Variants in NOTCH1 observed in about 807,000 individuals in gnomAD.
NOTCH1 encodes notch receptor 1.
In NOTCH1, 37 loss-of-function variants were observed where a neutral mutation model predicts 254.8. That is an observed-to-expected ratio of 0.15 (90% CI 0.11 to 0.19). The LOEUF is 0.19. Among genes scored for constraint, NOTCH1 ranks in the 10% least tolerant of loss-of-function variants. NOTCH1 has a pLI of 1.00. For missense variants in NOTCH1, 2,972 were observed against 3,708.6 expected (o/e 0.80, Z 5.16); for synonymous variants, 1,731 against 1,618.1 (o/e 1.07, Z -1.68).
Position 136,523,075 on chromosome 9 carries a change from G to C in NOTCH1, c.517C>G (p.Pro173Ala). ...TCGTTGACATCCTGCCGGCAGGTGG[G>C]GCCATGGAAGCTGGGTGGGCAGTGG... ...ICHCPPSFHGPTCRQDVNECG... is the reference protein window; with the variant it reads ...ICHCPPSFHGATCRQDVNECG... Residue 173 changes from proline (P) to alanine (A), a missense_variant, in exon 4 of 34, where the codon CCC (proline) becomes GCC (alanine). Physicochemically the swap from Pro to Ala is conservative, Grantham distance 27. Around this residue, in one of 8 missense-constraint regions of NOTCH1, gnomAD observed 374 missense variants for 496.3 expected, o/e 0.75. Transcript: ENST00000651671. The C allele has an allele frequency of 6.3e-7, 1 of 1,589,132 alleles. No individual in the cohort carries two copies.
intron 2 of NOTCH1, among the ~76,000 whole-genome samples, chr9:136,541,208 C>A (rs1843727834): frequency 6.6e-6 from 1 of 152,166 alleles, no homozygotes; most frequent in Non-Finnish European, 1.5e-5. Flanking sequence ...TGGCCACTGG[C>A]TGACCAGGCC....
chr9:136,526,463 C>T (rs1008194028), intron 2 of NOTCH1, among the ~76,000 whole-genome samples: 2 of 152,210 alleles, frequency 1.3e-5, no homozygotes, highest in Non-Finnish European at 2.9e-5. Context: ...CCCTGCCTCC[C>T]GGCCCCTCGA....
rs1174974632 is a variant in NOTCH1 at position 136,506,564 on chromosome 9, G to C, written c.3977C>G (p.Ser1326Cys). 1.2e-6 allele frequency: 2 copies of C among 1,610,322 alleles called. No homozygotes were observed. Among genetic ancestry groups the C allele is most frequent in the Non-Finnish European group, 8.5e-7 (1 of 1,179,396 alleles). ...CKNGGTCAVA[S>C]NTARGFICKC... ...GCAGATGAACCCGCGGGCGGTGTTGGAGGCCACGGCGCAGGTGCCCCCATT... is the reference window on the plus strand; with the variant it reads ...GCAGATGAACCCGCGGGCGGTGTTGCAGGCCACGGCGCAGGTGCCCCCATT... The change falls in exon 24 of 34, where the codon TCC becomes TGC. Residue 1326 changes from serine to cysteine, a missense_variant. Around this residue, in one of 8 missense-constraint regions of NOTCH1, gnomAD observed 1,343 missense variants for 1,557.0 expected, o/e 0.86. Coordinates refer to ENST00000651671, the MANE Select transcript of NOTCH1 (RefSeq NM_017617.5). This position sits in a 1 kb window ranked among gnomAD's most constrained non-coding sequence, Gnocchi z 4.5.
Position 136,503,324 on chromosome 9 carries a change from G to C in NOTCH1, c.5025C>G (p.Ile1675Met), listed in dbSNP as rs1352875267. 6.2e-7 allele frequency: 1 copy of C among 1,612,786 alleles called. No homozygotes were observed. The highest frequency in any genetic ancestry group is 1.1e-5 in the South Asian group (1 of 91,082). Residue 1675 changes from isoleucine (I) to methionine (M), a missense_variant, in exon 27 of 34, where the codon ATC becomes ATG. Physicochemically the swap from Ile to Met is conservative, Grantham distance 10. Coordinates refer to ENST00000651671, the MANE Select transcript of NOTCH1 (RefSeq NM_017617.5). The stretch of plus-strand genomic sequence containing the variant: ...GCCGGTTGTCAATCTCCAGGTAGAC[G>C]ATGGAGCTGGGCGGACAATCAGAGA... ...ELDPMDVRGS[I>M]VYLEIDNRQC... is the part of the protein sequence containing the mutation.
chr9:136,507,852 C>T (rs1400427020), intron 21 of NOTCH1, 103 bp downstream of exon 21: 2 of 1,189,072 alleles, frequency 1.7e-6, no homozygotes, highest in Non-Finnish European at 2.5e-6. Flanking sequence ...AGTGCATGGG[C>T]CTATCAGGTT....
Position 136,506,512 on chromosome 9 carries a change from C to A in NOTCH1, c.4014+15G>T, listed in dbSNP as rs1159544745. 1.9e-6 allele frequency: 3 copies of A among 1,571,880 alleles called. No homozygotes were observed. The highest frequency in any genetic ancestry group is 2.3e-5 in the South Asian group (2 of 86,068). ...CCCCTGGCGGGCCCCTGCCTCCCTGCACCCCTGCACCTACCGCAGGGCACT... is the reference window on the plus strand; with the variant it reads ...CCCCTGGCGGGCCCCTGCCTCCCTGAACCCCTGCACCTACCGCAGGGCACT... On this transcript the variant is annotated intron_variant, in intron 24 of 33. Coordinates refer to ENST00000651671, the MANE Select transcript of NOTCH1 (RefSeq NM_017617.5). The surrounding 1 kb of genome is among the most constrained non-coding windows in gnomAD (Gnocchi z 4.5).
chr9:136,496,115 T>C lies in NOTCH1; in HGVS notation c.7624A>G (p.Ser2542Gly), dbSNP rs1383219266. The change falls in exon 34 of 34, where the codon AGC becomes GGC. Residue 2542 changes from serine (S) to glycine (G), a missense_variant. Physicochemically the swap from Ser to Gly is moderately conservative, Grantham distance 56 (BLOSUM62 0). Around this residue, in one of 8 missense-constraint regions of NOTCH1, gnomAD observed 85 missense variants for 126.1 expected, o/e 0.67. Transcript: ENST00000651671. ...ATGCGGGCGATCTGGGACTGCATGC[T>C]GGTGGGAGGGCTGGAGACGCCCTCG... ...WSEGVSSPPTSMQSQIARIPE... is the reference protein window; with the variant it reads ...WSEGVSSPPTGMQSQIARIPE... 4 of 1,609,280 alleles carry C rather than the reference T, an allele frequency of 2.5e-6. No homozygotes were observed. Among genetic ancestry groups the C allele is most frequent in the East Asian group, 4.5e-5 (2 of 44,796 alleles).
chr9:136,496,239 G>A lies in NOTCH1; in HGVS notation c.7500C>T (p.His2500=), dbSNP rs1842911202. ...AGGGGTGCTCAGGCACCTGTAGCTG[G>A]TGGCTGGGGGTGTTGTCCACAGGCG... ...YSSPVDNTPS[H]QLQVPEHPFL... is the part of the protein sequence containing the mutation. Residue 2500 remains histidine, a synonymous_variant, in exon 34 of 34, where the codon CAC becomes CAT. Coordinates refer to ENST00000651671, the MANE Select transcript of NOTCH1 (RefSeq NM_017617.5). 3 of 1,605,346 alleles carry A rather than the reference G, an allele frequency of 1.9e-6. No individual in the cohort carries two copies. Among genetic ancestry groups the A allele is most frequent in the Middle Eastern group, 1.7e-4 (1 of 6,046 alleles).
chr9:136,509,839 G>T lies in NOTCH1; in HGVS notation c.2863C>A (p.Arg955Ser). 1 of 1,613,122 alleles carries T rather than the reference G, an allele frequency of 6.2e-7. No individual in the cohort carries two copies. Among genetic ancestry groups the T allele is most frequent in the Non-Finnish European group, 8.5e-7 (1 of 1,180,016 alleles). ...CAGTCCGTGCAGTTGGCCCCGTTGC[G>T]GCAGGGGTCACTGGCACACTCGTTG... ...DINECASDPC[R>S]NGANCTDCVD... The change falls in exon 18 of 34, where the codon CGC becomes AGC. Residue 955 changes from arginine to serine, a missense_variant. Coordinates refer to ENST00000651671, the MANE Select transcript of NOTCH1 (RefSeq NM_017617.5).
At chr9:136,533,439 C>G (rs1236768145) in intron 2 of NOTCH1, among the ~76,000 whole-genome samples, 4 of 152,222 alleles carry the variant, frequency 2.6e-5, no homozygotes, top group Non-Finnish European at 5.9e-5. Flanking sequence ...CCGAGCGGAA[C>G]TTGGGGGGCC....
intron 2 of NOTCH1, among the ~76,000 whole-genome samples, chr9:136,525,965 AAC>A: frequency 6.6e-6 from 1 of 152,244 alleles, no homozygotes; most frequent in East Asian, 1.9e-4. Flanking sequence ...GCTTAAAGAA[AAC>A]ACATGTCACC....
intron 1 of NOTCH1, 35 bp from the exon 2 acceptor site, chr9:136,544,137 C>CCCGCACCACCACCA: frequency 1.3e-6 from 2 of 1,536,840 alleles, no homozygotes; most frequent in South Asian, 2.4e-5. Context: ...GTCAGTCTCA[C>CCCGCACCACCACCA]CCGCACCACC....
chr9:136,523,727 G>A lies in NOTCH1; in HGVS notation c.393C>T (p.Pro131=), dbSNP rs1250243662. Residue 131 remains proline, a synonymous_variant, in exon 3 of 34, where the codon CCC becomes CCT. Transcript: ENST00000651671. ...TGGGTCCTCCCTCACCTGACCAGCC[G>A]GGCGGGCAGCGGCACTTGTACTCCG... The part of the protein sequence containing the change: ...TLTEYKCRCP[P]GWSGKSCQQA... The A allele has an allele frequency of 1.1e-5, 17 of 1,606,970 alleles. No individual in the cohort carries two copies. The Admixed American group carries it at 1.2e-4, about 11-fold the overall frequency.
rs370606059 is a variant in NOTCH1, at chr9:136,497,103, G to T, written c.6636C>A (p.Asp2212Glu). The stretch of plus-strand genomic sequence containing the variant: ...AGGGCAGCAGTGGCGGCGAGGCCAC[G>T]TCTGACAGGTAGCCATGGGGTGACT... ...SLESPHGYLSDVASPPLLPSP... is the reference protein window; with the variant it reads ...SLESPHGYLSEVASPPLLPSP... Residue 2212 changes from aspartate to glutamate, a missense_variant, in exon 34 of 34, where the codon GAC becomes GAA. Transcript: ENST00000651671. 1 of 1,611,084 alleles carries T rather than the reference G, an allele frequency of 6.2e-7. No individual in the cohort carries two copies. The highest frequency in any genetic ancestry group is 8.5e-7 in the Non-Finnish European group (1 of 1,178,858).
chr9:136,530,146 G>A (rs9411257), intron 2 of NOTCH1, among the ~76,000 whole-genome samples: 47,272 of 152,156 alleles, frequency 0.31, 8,577 homozygotes, highest in Non-Finnish European at 0.42. Context: ...GGCGGGGGTC[G>A]CGGCCGGCCC....
At chr9:136,538,021 A>G (rs972041755) in intron 2 of NOTCH1, among the ~76,000 whole-genome samples, 7 of 152,218 alleles carry the variant, frequency 4.6e-5, no homozygotes, top group Non-Finnish European at 7.3e-5. Flanking sequence ...CAGAGGTTAC[A>G]GTGAGCCAAG....
chr9:136,510,924 C>A, intron 16 of NOTCH1, 119 bp from the exon 17 acceptor site: 1 of 1,443,896 alleles, frequency 6.9e-7, no homozygotes, highest in East Asian at 2.3e-5. Flanking sequence ...TCCGTGACCC[C>A]AGGACCATCC....
intron 31 of NOTCH1, among the ~76,000 whole-genome samples, chr9:136,499,851 C>A (rs191536293): frequency 3.3e-5 from 5 of 152,370 alleles, no homozygotes; most frequent in Admixed American, 3.3e-4. Flanking sequence ...CCGCACGGGG[C>A]TCCCTTCCAC....
chr9:136,543,982 T>C, intron 2 of NOTCH1, 42 bp downstream of exon 2: 1 of 1,530,592 alleles, frequency 6.5e-7, no homozygotes, highest in Non-Finnish European at 8.9e-7. Flanking sequence ...GCAGGGGCTC[T>C]GCCCTCGACA....
Sources: gnomAD v4.1 joint callset for allele counts (sites outside exome capture counted in the v4.1 genomes callset) on GRCh38, gnomAD v4.1.1 for gene constraint, gnomAD v4.1.1 regional missense constraint, Gnocchi (gnomAD v3.1) non-coding constraint, MANE v1.5 for transcripts, NCBI Gene and HGNC (gene_info 2026-07-23, HGNC 2026-07-21) for gene names.